The following CSMD1 variants were observed in gnomAD, a reference collection of about 807,000 sequenced individuals.
The protein encoded by CSMD1 is CUB and Sushi multiple domains 1, also known as CUB and sushi domain-containing protein 1.
Under a neutral mutation model 417.5 loss-of-function variants are expected in CSMD1, and 213 were observed. That is an observed-to-expected ratio of 0.51 (90% CI 0.46 to 0.57). The LOEUF (loss-of-function observed/expected upper bound fraction) is 0.57. Ranked by LOEUF, CSMD1 falls within the 20% of genes least tolerant of loss-of-function variation. The pLI is 0.00. For synonymous variants in CSMD1, 2,862 were observed against 1,736.8 expected (o/e 1.65, Z -16.11); for missense variants, 6,923 against 4,529.7 (o/e 1.53, Z -15.17).
chr8:4,020,384 T>A (rs1047169554), intron 4 of CSMD1, among the ~76,000 whole-genome samples: 4 of 152,202 alleles, frequency 2.6e-5, no homozygotes, highest in African/African-American at 9.7e-5. Flanking sequence ...ATTTAATCCT[T>A]AAACTGACAC....
At chr8:3,251,856 CTCTT>C (rs1219730938) in intron 26 of CSMD1, among the ~76,000 whole-genome samples, 7 of 152,124 alleles carry the variant, frequency 4.6e-5, no homozygotes, top group Admixed American at 2.0e-4. Context: ...CATGATTTGG[CTCTT>C]TCTTTGTCTG....
At chr8:4,079,778 T>C (rs938695761) in intron 3 of CSMD1, among the ~76,000 whole-genome samples, 9 of 152,172 alleles carry the variant, frequency 5.9e-5, no homozygotes, top group Admixed American at 1.3e-4. Context: ...ATAACCCATG[T>C]TCTCTTTTCA....
intron 3 of CSMD1, among the ~76,000 whole-genome samples, chr8:4,086,218 C>G (rs1337995249): frequency 6.6e-6 from 1 of 152,136 alleles, no homozygotes; most frequent in African/African-American, 2.4e-5. Flanking sequence ...TATCACATCA[C>G]TCTTCTGGTA....
chr8:4,196,407 A>C (rs1402527918), intron 3 of CSMD1, among the ~76,000 whole-genome samples: 29 of 152,102 alleles, frequency 1.9e-4, no homozygotes, highest in Non-Finnish European at 4.4e-5. Flanking sequence ...CTAGACAAAA[A>C]TCAAGGCGTT....
At chr8:4,689,322 A>G (rs1394493497) in intron 1 of CSMD1, among the ~76,000 whole-genome samples, 1 of 152,190 alleles carries the variant, frequency 6.6e-6, no homozygotes, top group Non-Finnish European at 1.5e-5. Flanking sequence ...TTGCTAGTCA[A>G]ATACTTGATC....
At chr8:4,093,977 G>A (rs369999268) in intron 3 of CSMD1, among the ~76,000 whole-genome samples, 17 of 143,274 alleles carry the variant, frequency 1.2e-4, no homozygotes, top group Non-Finnish European at 1.1e-4. Context: ...TAGATAGATA[G>A]ATAGATAGAT....
At chr8:2,958,532 G>A (rs1391587033) in intron 62 of CSMD1, among the ~76,000 whole-genome samples, 1 of 152,196 alleles carries the variant, frequency 6.6e-6, no homozygotes, top group Non-Finnish European at 1.5e-5. Flanking sequence ...GCAGATTCCT[G>A]TGATCTGTAA....
intron 2 of CSMD1, among the ~76,000 whole-genome samples, chr8:4,620,819 T>C (rs1435402512): frequency 1.3e-5 from 2 of 151,926 alleles, no homozygotes; most frequent in African/African-American, 2.4e-5. Flanking sequence ...AGTGACTTTA[T>C]ATTCCACTTA....
At chr8:3,877,472 T>A (rs1805902189) in intron 5 of CSMD1, among the ~76,000 whole-genome samples, 2 of 152,196 alleles carry the variant, frequency 1.3e-5, no homozygotes, top group Non-Finnish European at 2.9e-5. Context: ...TACAGCTCTC[T>A]CAATTTGCTT....
chr8:3,726,784 T>G (rs945097510), intron 6 of CSMD1, among the ~76,000 whole-genome samples: 39 of 152,300 alleles, frequency 2.6e-4, no homozygotes, highest in African/African-American at 8.9e-4. Context: ...GCATGCCCTC[T>G]GATGGAAATG....
intron 2 of CSMD1, among the ~76,000 whole-genome samples, chr8:4,522,837 G>C (rs1803543251): frequency 1.3e-5 from 2 of 152,148 alleles, no homozygotes; most frequent in Admixed American, 1.3e-4. Flanking sequence ...CACACTAATA[G>C]ATCCTTTTCA....
chr8:3,302,672 G>C (rs1041445752), intron 25 of CSMD1, among the ~76,000 whole-genome samples: 2 of 152,178 alleles, frequency 1.3e-5, no homozygotes, highest in Non-Finnish European at 2.9e-5. Flanking sequence ...GTCACCAGCA[G>C]ATGTTGAAAG....
intron 1 of CSMD1, among the ~76,000 whole-genome samples, chr8:4,723,488 C>T (rs996622556): frequency 2.0e-5 from 3 of 152,126 alleles, no homozygotes; most frequent in Non-Finnish European, 2.9e-5. Context: ...TGTTACCTGA[C>T]AACACGTCCA....
In CSMD1 at chr8:4,486,569, C is replaced by A. The variant is rs115718258; in HGVS notation, c.303-66504G>T. 6.6e-5 allele frequency among the ~76,000 whole-genome samples: 10 copies of A among 152,008 alleles called. No individual in the cohort carries two copies. The South Asian group carries it at 1.7e-3, about 25-fold the overall frequency. On this transcript the variant is annotated intron_variant, in intron 2 of 69. Transcript: ENST00000635120. Reference sequence around the variant, plus strand: ...TGAAGTAAGCATAACAGAAGCTTATCAATGCATATATAAGAAGTCCATCTT... The same window carrying A: ...TGAAGTAAGCATAACAGAAGCTTATAAATGCATATATAAGAAGTCCATCTT...
intron 2 of CSMD1, among the ~76,000 whole-genome samples, chr8:4,573,129 A>G (rs1439189992): frequency 2.0e-5 from 3 of 152,246 alleles, no homozygotes; most frequent in East Asian, 1.9e-4. Flanking sequence ...TCAATTCATC[A>G]AACGCATTCC....
chr8:3,743,498 C>T (rs1796918356), intron 6 of CSMD1, among the ~76,000 whole-genome samples: 1 of 152,144 alleles, frequency 6.6e-6, no homozygotes, highest in Non-Finnish European at 1.5e-5. Flanking sequence ...GAAAAAGTTT[C>T]TTCAAAAAGA....
intron 5 of CSMD1, among the ~76,000 whole-genome samples, chr8:3,892,534 A>AAAT (rs34846347): frequency 4.3e-4 from 64 of 148,046 alleles, no homozygotes; most frequent in South Asian, 8.7e-4. Context: ...AATTTTGCAA[A>AAAT]AATAATAATA....
chr8:4,507,204 A>G (rs1435779825), intron 2 of CSMD1, among the ~76,000 whole-genome samples: 1 of 152,224 alleles, frequency 6.6e-6, no homozygotes, highest in Non-Finnish European at 1.5e-5. Flanking sequence ...TTAATAAGAC[A>G]CAATAAAAAA....
At chr8:3,525,401 C>A (rs1206582638) in intron 10 of CSMD1, among the ~76,000 whole-genome samples, 1 of 152,132 alleles carries the variant, frequency 6.6e-6, no homozygotes, top group Non-Finnish European at 1.5e-5. Flanking sequence ...TCAAGGTAAT[C>A]ATAGTAATAT....
Sources: allele counts gnomAD v4.1 joint callset (sites outside exome capture counted in the v4.1 genomes callset), GRCh38; gene constraint gnomAD v4.1.1; transcripts MANE v1.5; gene names NCBI Gene and HGNC (gene_info 2026-07-23, HGNC 2026-07-21).